The following CSRNP3 variants were observed in gnomAD, a reference collection of about 807,000 sequenced individuals.
CSRNP3 encodes the protein cysteine/serine-rich nuclear protein 3.
CSRNP3 carries 12 observed loss-of-function variants against 48.0 expected under a neutral mutation model. The observed-to-expected ratio is 0.25, with a 90% CI of 0.16 to 0.41. The LOEUF (loss-of-function observed/expected upper bound fraction) is 0.41, where lower values mean the gene tolerates loss of function less well. Ranked by LOEUF, CSRNP3 falls within the 10% of genes least tolerant of loss-of-function variation. CSRNP3 has a pLI of 1.00. For synonymous variants in CSRNP3, 263 were observed against 269.7 expected, an observed-to-expected ratio of 0.98 and a Z score of 0.24; for missense variants, 580 against 724.4, an observed-to-expected ratio of 0.80 and a Z score of 2.29.
At chr2:165,521,781 C>T (rs1684665515) in intron 3 of CSRNP3, among the ~76,000 whole-genome samples, 1 of 152,178 alleles carries the variant, frequency 6.6e-6, no homozygotes. Context: ...CGTTTAGCAG[C>T]ATTTCTGGTA....
chr2:165,536,006 G>A (rs1395139986), intron 3 of CSRNP3, among the ~76,000 whole-genome samples: 1 of 151,686 alleles, frequency 6.6e-6, no homozygotes, highest in African/African-American at 2.4e-5. Context: ...AAAATCAGAG[G>A]TCATTCATCC....
chr2:165,655,120 C>G (rs13410831), intron 4 of CSRNP3, among the ~76,000 whole-genome samples: 11,494 of 152,218 alleles, frequency 0.076, 563 homozygotes, highest in Middle Eastern at 0.19. Context: ...GAAGAAGATT[C>G]TTACCTAAAT....
At chr2:165,618,623 A>T (rs911279423) in intron 4 of CSRNP3, among the ~76,000 whole-genome samples, 2 of 152,192 alleles carry the variant, frequency 1.3e-5, no homozygotes, top group Admixed American at 6.5e-5. Context: ...TCATAGAACT[A>T]TGTAGCCAGC....
chr2:165,688,450 G>C lies in CSRNP3; in HGVS notation c.*8697G>C, dbSNP rs1482943033. 1 of 151,916 alleles carries C rather than the reference G, an allele frequency of 6.6e-6. No individual in the cohort carries two copies. Among genetic ancestry groups the C allele is most frequent in the South Asian group, 2.1e-4 (1 of 4,814 alleles). The allele number at this position is 151,916 out of a possible 1,614,324, so 9.4% of individuals were successfully genotyped here. A position where few individuals can be genotyped will look rare whatever the true frequency, so the allele number is the denominator to read the frequency against. On this transcript the variant is annotated 3_prime_UTR_variant, in exon 7 of 7. Transcript: ENST00000651982. ...CAGTGTGTTTCCCTCAGTGTCACAG[G>C]GTATATCAATTTGATAGATCATTTG...
At chr2:165,621,714 G>GAAA (rs1051734951) in intron 4 of CSRNP3, among the ~76,000 whole-genome samples, 1 of 151,804 alleles carries the variant, frequency 6.6e-6, no homozygotes, top group Admixed American at 6.6e-5. Context: ...ACCACTGGAG[G>GAAA]AAAAAAATGG....
chr2:165,551,690 T>A (rs1053627769), intron 3 of CSRNP3, among the ~76,000 whole-genome samples: 1 of 152,166 alleles, frequency 6.6e-6, no homozygotes, highest in Non-Finnish European at 1.5e-5. Flanking sequence ...AAATAAAGTA[T>A]GTTTAATAAA....
Position 165,552,855 on chromosome 2 carries a change from C to T in CSRNP3, c.-24+34894C>T, listed in dbSNP as rs112556765. Among the ~76,000 whole-genome samples, 1,216 of 151,884 alleles carry T rather than the reference C, an allele frequency of 8.0e-3. 9 individuals are homozygous for T. The highest frequency in any genetic ancestry group is 0.011 in the Non-Finnish European group (744 of 67,918). On this transcript the variant is annotated intron_variant, in intron 3 of 6. Coordinates refer to ENST00000651982, the MANE Select transcript of CSRNP3 (RefSeq NM_001172173.2). ...GACTACAGGTGTGTGCCACCATGCC[C>T]GGCTAATTTTTGTATTTTAGTAGAG...
At chr2:165,586,900 T>A (rs1438830906) in intron 3 of CSRNP3, among the ~76,000 whole-genome samples, 1 of 152,246 alleles carries the variant, frequency 6.6e-6, no homozygotes, top group Non-Finnish European at 1.5e-5. Context: ...TTTGACATTT[T>A]TAATCAAACC....
chr2:165,546,686 T>C (rs1305471256), intron 3 of CSRNP3, among the ~76,000 whole-genome samples: 2 of 152,232 alleles, frequency 1.3e-5, no homozygotes, highest in Non-Finnish European at 2.9e-5. Context: ...CACATTTGAA[T>C]GAGTTCAGAG....
rs115954408 is a variant in CSRNP3, at chr2:165,623,091, A to T, written c.148+27878A>T. Among the ~76,000 whole-genome samples, 1,326 of 150,830 alleles carry T rather than the reference A, an allele frequency of 8.8e-3. 13 individuals are homozygous for T. Among genetic ancestry groups the T allele is most frequent in the African/African-American group, 0.03 (1,245 of 41,500 alleles). Reference sequence around the variant, plus strand: ...TATTTAAAACATAAATAAATAAAATAAAAAAATGACAATTTTTGAAAGGAT... The same window carrying T: ...TATTTAAAACATAAATAAATAAAATTAAAAAATGACAATTTTTGAAAGGAT... On this transcript the variant is annotated intron_variant, in intron 4 of 6. Transcript: ENST00000651982.
At chr2:165,474,800 T>G (rs1221283060) in intron 1 of CSRNP3, among the ~76,000 whole-genome samples, 1 of 152,116 alleles carries the variant, frequency 6.6e-6, no homozygotes, top group Non-Finnish European at 1.5e-5. Flanking sequence ...AACACAGGGA[T>G]TTTAGAGTTG....
intron 5 of CSRNP3, among the ~76,000 whole-genome samples, chr2:165,674,681 A>AATATATATATATATATATATATAT (rs59117817): frequency 2.4e-4 from 25 of 103,188 alleles, no homozygotes; most frequent in African/African-American, 3.3e-4. Flanking sequence ...AATACTTCTG[A>AATATATATATATATATATATATAT]ATATATATAT....
rs760156809 is a variant in CSRNP3, at chr2:165,678,911, G to A, written c.916G>A (p.Ala306Thr). The A allele has an allele frequency of 8.9e-5, 143 of 1,613,892 alleles. No individual in the cohort carries two copies. The highest frequency in any genetic ancestry group is 1.6e-4 in the Middle Eastern group (1 of 6,084). ...TCACAGTAGTTCTATGGGCCCTGTC[G>A]CTCACTCCGTAGAATATTCAATCGC... ...SAHSSSMGPVAHSVEYSIADS... is the reference protein window; with the variant it reads ...SAHSSSMGPVTHSVEYSIADS... The change falls in exon 7 of 7, where the codon GCT becomes ACT. Residue 306 changes from alanine to threonine, a missense_variant. Transcript: ENST00000651982.
intron 3 of CSRNP3, among the ~76,000 whole-genome samples, chr2:165,539,471 C>G (rs995264809): frequency 6.6e-6 from 1 of 151,986 alleles, no homozygotes; most frequent in Non-Finnish European, 1.5e-5. Flanking sequence ...TTATTTTCCC[C>G]TAATGGCTAT....
intron 3 of CSRNP3, among the ~76,000 whole-genome samples, chr2:165,586,537 C>A (rs191521220): frequency 1.7e-3 from 257 of 152,038 alleles, no homozygotes; most frequent in Non-Finnish European, 3.2e-3. Context: ...ACTGGGTGTC[C>A]CATATTTTTA....
At chr2:165,557,939 G>A (rs983481631) in intron 3 of CSRNP3, among the ~76,000 whole-genome samples, 1 of 152,212 alleles carries the variant, frequency 6.6e-6, no homozygotes, top group African/African-American at 2.4e-5. Context: ...TTGCTAAATG[G>A]AGTCAATATT....
chr2:165,612,504 G>A (rs1464093055), intron 4 of CSRNP3, among the ~76,000 whole-genome samples: 1 of 151,918 alleles, frequency 6.6e-6, no homozygotes, highest in East Asian at 1.9e-4. Context: ...AGGGGCCACA[G>A]AACACTAGAA....
chr2:165,500,538 A>G (rs1176501832), intron 2 of CSRNP3, among the ~76,000 whole-genome samples: 1 of 150,934 alleles, frequency 6.6e-6, no homozygotes, highest in East Asian at 2.0e-4. Flanking sequence ...GCTCACTGCA[A>G]CCTCCACCTC....
At chr2:165,642,622 G>A (rs1686742579) in intron 4 of CSRNP3, among the ~76,000 whole-genome samples, 2 of 151,322 alleles carry the variant, frequency 1.3e-5, no homozygotes, top group Non-Finnish European at 2.9e-5. Context: ...GAGTGCAATG[G>A]TGTGATCTCA....
Sources: allele counts gnomAD v4.1 joint callset (sites outside exome capture counted in the v4.1 genomes callset), GRCh38; gene constraint gnomAD v4.1.1; transcripts MANE v1.5; gene names NCBI Gene and HGNC (gene_info 2026-07-23, HGNC 2026-07-21).